OCA2: variants seen among roughly 807,000 people sequenced by gnomAD.
The protein encoded by OCA2 is OCA2 melanosomal transmembrane protein.
Under a neutral mutation model 100.2 loss-of-function variants are expected in OCA2, and 77 were observed. That is an observed-to-expected ratio of 0.77 (90% CI 0.64 to 0.93). The LOEUF (loss-of-function observed/expected upper bound fraction) is 0.93. Among genes scored for constraint, OCA2 ranks in the 40% least tolerant of loss-of-function variants. The probability of loss-of-function intolerance (pLI) is 0.00; values close to 1 mark genes in which losing one functional copy is unlikely to be tolerated. For missense variants in OCA2, 1,062 were observed against 1,089.1 expected, an observed-to-expected ratio of 0.98 and a Z score of 0.35; for synonymous variants, 432 against 439.2, an observed-to-expected ratio of 0.98 and a Z score of 0.21.
At chr15:28,076,982 G>C (rs1244101523) in intron 2 of OCA2, among the ~76,000 whole-genome samples, 3 of 151,336 alleles carry the variant, frequency 2.0e-5, no homozygotes, top group Admixed American at 1.3e-4. Context: ...AATTTTCTGA[G>C]ATTTAATTAG....
chr15:27,983,965 ACT>A (rs1204668697), intron 13 of OCA2, among the ~76,000 whole-genome samples: 1 of 148,900 alleles, frequency 6.7e-6, no homozygotes, highest in Admixed American at 6.8e-5. Context: ...CTATGTATTT[ACT>A]TTGTATTGCT....
chr15:27,904,103 T>C (rs914349342), intron 19 of OCA2, among the ~76,000 whole-genome samples: 1 of 152,182 alleles, frequency 6.6e-6, no homozygotes, highest in Non-Finnish European at 1.5e-5. Flanking sequence ...ATCCAAGTCA[T>C]AGCTCCCGTT....
the OCA2 span, among the ~76,000 whole-genome samples, chr15:27,740,615 A>G: frequency 6.6e-6 from 1 of 152,228 alleles, no homozygotes; most frequent in Non-Finnish European, 1.5e-5. Flanking sequence ...TGAGTTACAC[A>G]TGGTCCTTGA....
chr15:27,926,972 A>C (rs2039065376), intron 18 of OCA2, among the ~76,000 whole-genome samples: 1 of 152,164 alleles, frequency 6.6e-6, no homozygotes, highest in Non-Finnish European at 1.5e-5. Context: ...AAAAAAATTA[A>C]TATTCAGCAT....
chr15:27,963,057 A>C (rs1259466335), intron 15 of OCA2, among the ~76,000 whole-genome samples: 1 of 152,244 alleles, frequency 6.6e-6, no homozygotes, highest in Non-Finnish European at 1.5e-5. Context: ...TTTTTATAGC[A>C]AGGTGTTAAA....
intron 23 of OCA2, among the ~76,000 whole-genome samples, chr15:27,815,506 C>A (rs1046466938): frequency 6.6e-6 from 1 of 152,178 alleles, no homozygotes. Context: ...CCTCCTGGGG[C>A]AAGGTGAATC....
At chr15:28,069,276 T>C (rs1369461318) in intron 2 of OCA2, among the ~76,000 whole-genome samples, 7 of 151,442 alleles carry the variant, frequency 4.6e-5, no homozygotes, top group African/African-American at 1.2e-4. Flanking sequence ...AGCATTTCTA[T>C]ACAACAATAA....
intron 18 of OCA2, among the ~76,000 whole-genome samples, chr15:27,938,436 G>A (rs975499323): frequency 6.6e-6 from 1 of 152,208 alleles, no homozygotes; most frequent in African/African-American, 2.4e-5. Context: ...GCTGATTCCA[G>A]CTTTTCATCA....
chr15:27,908,278 TATG>T (rs1280759809), intron 19 of OCA2, among the ~76,000 whole-genome samples: 2 of 152,140 alleles, frequency 1.3e-5, no homozygotes, highest in African/African-American at 4.8e-5. Context: ...TGAAAAATAA[TATG>T]ATGATCTCCA....
At chr15:27,973,050 A>G (rs1209159690) in intron 14 of OCA2, among the ~76,000 whole-genome samples, 1 of 151,626 alleles carries the variant, frequency 6.6e-6, no homozygotes, top group Non-Finnish European at 1.5e-5. Flanking sequence ...TTTTATTTTT[A>G]GTAGAGATGG....
chr15:27,805,416 G>C (rs1000966059), intron 23 of OCA2, among the ~76,000 whole-genome samples: 3 of 152,248 alleles, frequency 2.0e-5, no homozygotes, highest in Admixed American at 2.0e-4. Flanking sequence ...ATGCTTCGCT[G>C]GGCCTGAGCA....
chr15:27,959,639 G>A (rs2040346151), intron 15 of OCA2, among the ~76,000 whole-genome samples: 1 of 152,162 alleles, frequency 6.6e-6, no homozygotes, highest in Non-Finnish European at 1.5e-5. Context: ...CAGCCCCTGG[G>A]TGCGGGCTGG....
At chr15:27,734,286 CAAAAAAA>C in the OCA2 span, among the ~76,000 whole-genome samples, 12 of 76,376 alleles carry the variant, frequency 1.6e-4, no homozygotes, top group Non-Finnish European at 2.8e-4. Context: ...TTTTCAAGAG[CAAAAAAA>C]AAAAAAAAAA....
intron 9 of OCA2, among the ~76,000 whole-genome samples, chr15:28,010,333 C>T (rs144024319): frequency 8.3e-4 from 127 of 152,270 alleles, no homozygotes; most frequent in African/African-American, 3.1e-3. Flanking sequence ...AGAACAATGC[C>T]AGTCTTACCA....
chr15:27,949,399 G>A (rs115191220), intron 18 of OCA2, among the ~76,000 whole-genome samples: 1,541 of 152,210 alleles, frequency 0.01, 28 homozygotes, highest in African/African-American at 0.035. Context: ...ATAGTAGCTC[G>A]TGCCTGTAAT....
intron 23 of OCA2, 53 bp from the exon 24 acceptor site, chr15:27,755,525 G>A (rs2030281374): frequency 3.9e-5 from 55 of 1,397,822 alleles, no homozygotes; most frequent in Non-Finnish European, 5.6e-5. Flanking sequence ...ATAATCTCAT[G>A]AGATACGGAC....
intron 23 of OCA2, among the ~76,000 whole-genome samples, chr15:27,797,635 A>G (rs1452023284): frequency 6.6e-6 from 1 of 152,168 alleles, no homozygotes; most frequent in Non-Finnish European, 1.5e-5. Context: ...AAAAATGAAT[A>G]GTATAAGTTT....
At chr15:28,093,583 C>A (rs569865247) in intron 1 of OCA2, among the ~76,000 whole-genome samples, 1 of 152,208 alleles carries the variant, frequency 6.6e-6, no homozygotes, top group South Asian at 2.1e-4. Flanking sequence ...CAACTACCAG[C>A]CAACAATTGC....
intron 21 of OCA2, among the ~76,000 whole-genome samples, chr15:27,853,576 TA>T (rs1451765171): frequency 2.8e-5 from 4 of 144,076 alleles, no homozygotes; most frequent in African/African-American, 7.8e-5. Flanking sequence ...AGTATAATAA[TA>T]AAAGAAAAAA....
Sources: allele counts gnomAD v4.1 joint callset (sites outside exome capture counted in the v4.1 genomes callset), GRCh38; gene constraint gnomAD v4.1.1; transcripts MANE v1.5; gene names NCBI Gene and HGNC (gene_info 2026-07-23, HGNC 2026-07-21).